SNX29: variants seen among roughly 807,000 people sequenced by gnomAD.
SNX29 encodes the protein sorting nexin-29.
SNX29 carries 78 observed loss-of-function variants against 102.1 expected under a neutral mutation model. That is an observed-to-expected ratio of 0.76 (90% CI 0.64 to 0.92). SNX29 has a LOEUF of 0.92. Ranked by LOEUF, SNX29 falls within the 40% of genes least tolerant of loss-of-function variation. The pLI is 0.00. For synonymous variants in SNX29, 580 were observed against 414.5 expected (o/e 1.40, Z -4.85); for missense variants, 1,280 against 1,061.7 (o/e 1.21, Z -2.86).
chr16:12,137,270 G>A (rs919243882), intron 13 of SNX29, among the ~76,000 whole-genome samples: 10 of 152,218 alleles, frequency 6.6e-5, no homozygotes, highest in Admixed American at 6.5e-4. Context: ...TTCTTGGCTG[G>A]TGTCTTGGCT....
chr16:12,429,854 C>G (rs1188599757), intron 18 of SNX29, among the ~76,000 whole-genome samples: 1 of 152,170 alleles, frequency 6.6e-6, no homozygotes, highest in African/African-American at 2.4e-5. Flanking sequence ...AGGGCATGGA[C>G]TTTTGTAGTA....
At chr16:12,379,403 G>C (rs192990371) in intron 16 of SNX29, among the ~76,000 whole-genome samples, 7 of 152,204 alleles carry the variant, frequency 4.6e-5, no homozygotes, top group African/African-American at 1.7e-4. Flanking sequence ...GATTACAGGC[G>C]TGAGCCACTA....
chr16:12,395,374 T>G (rs1009913857), intron 16 of SNX29, among the ~76,000 whole-genome samples: 1 of 152,234 alleles, frequency 6.6e-6, no homozygotes, highest in African/African-American at 2.4e-5. Context: ...TGATGGAAAC[T>G]TCTTTGCTGA....
chr16:12,535,620 A>C (rs2077054149), intron 20 of SNX29, among the ~76,000 whole-genome samples: 1 of 152,146 alleles, frequency 6.6e-6, no homozygotes, highest in African/African-American at 2.4e-5. Context: ...ACTGTCAGTC[A>C]CACCAACATG....
intron 13 of SNX29, among the ~76,000 whole-genome samples, chr16:12,150,636 G>A (rs1416507498): frequency 6.6e-6 from 1 of 152,186 alleles, no homozygotes; most frequent in East Asian, 1.9e-4. Context: ...GCTAATTTTT[G>A]TCCAGTGATC....
intron 15 of SNX29, among the ~76,000 whole-genome samples, chr16:12,300,501 A>C (rs2080133996): frequency 6.6e-6 from 1 of 152,314 alleles, no homozygotes; most frequent in South Asian, 2.1e-4. Flanking sequence ...TGAACGACTT[A>C]ATAGTTCTGA....
chr16:11,992,782 A>G (rs1319809518), intron 1 of SNX29, among the ~76,000 whole-genome samples: 1 of 152,196 alleles, frequency 6.6e-6, no homozygotes, highest in African/African-American at 2.4e-5. Context: ...TACCTGCTTA[A>G]TGTGTTACAA....
At chr16:12,434,916 TC>T (rs1368926203) in intron 18 of SNX29, among the ~76,000 whole-genome samples, 1 of 139,174 alleles carries the variant, frequency 7.2e-6, no homozygotes, top group African/African-American at 2.7e-5. Context: ...CCTTCTGGGG[TC>T]CCAGAGAAAA....
chr16:12,409,820 T>A (rs898494741), intron 18 of SNX29, among the ~76,000 whole-genome samples: 1 of 152,208 alleles, frequency 6.6e-6, no homozygotes, highest in African/African-American at 2.4e-5. Flanking sequence ...GAAAAATACC[T>A]TCAGTGTAAG....
chr16:11,978,238 T>A (rs144793638), intron 1 of SNX29, among the ~76,000 whole-genome samples: 3 of 151,478 alleles, frequency 2.0e-5, no homozygotes, highest in African/African-American at 7.4e-5. Flanking sequence ...AAGTATGGTT[T>A]CTGATTCGTG....
At chr16:12,430,998 A>G (rs371770355) in intron 18 of SNX29, among the ~76,000 whole-genome samples, 1 of 151,998 alleles carries the variant, frequency 6.6e-6, no homozygotes, top group Non-Finnish European at 1.5e-5. Flanking sequence ...GATTAGAGGC[A>G]CCTGCCACCA....
chr16:12,424,203 T>A (rs534264681), intron 18 of SNX29, among the ~76,000 whole-genome samples: 1 of 152,366 alleles, frequency 6.6e-6, no homozygotes, highest in South Asian at 2.1e-4. Context: ...TCGATCTCTA[T>A]CACGGGTAAA....
At chr16:12,559,813 T>TA (rs1320527897) in intron 20 of SNX29, among the ~76,000 whole-genome samples, 1 of 152,164 alleles carries the variant, frequency 6.6e-6, no homozygotes, top group Non-Finnish European at 1.5e-5. Flanking sequence ...TCCAGGCCAT[T>TA]TCCATCATCA....
At chr16:12,308,719 T>C (rs1256234612) in intron 15 of SNX29, among the ~76,000 whole-genome samples, 1 of 152,234 alleles carries the variant, frequency 6.6e-6, no homozygotes, top group Non-Finnish European at 1.5e-5. Context: ...ATGGTATTTC[T>C]AGATGGGTAC....
rs527382651 is a variant in SNX29, at chr16:12,140,470, C to T, written c.1595+10712C>T. On this transcript the variant is annotated intron_variant, in intron 13 of 20. Coordinates refer to ENST00000566228, the MANE Select transcript of SNX29 (RefSeq NM_032167.5). ...TCACCTGAACTCCGTGGAGCAGGAA[C>T]AAGGATGGAGGAGAGTTTGCTTAAA... Among the ~76,000 whole-genome samples the T allele has an allele frequency of 2.6e-5, 4 of 152,336 alleles. No homozygotes were observed. The South Asian group carries it at 8.3e-4, about 32-fold the overall frequency.
Position 12,403,479 on chromosome 16 carries a change from C to T in SNX29, c.1987C>T (p.Pro663Ser), listed in dbSNP as rs2084043520. The T allele has an allele frequency of 6.2e-7, 1 of 1,609,118 alleles. No homozygotes were observed. The highest frequency in any genetic ancestry group is 8.5e-7 in the Non-Finnish European group (1 of 1,177,808). The change falls in exon 18 of 21, where the codon CCC becomes TCC. Residue 663 changes from proline (P) to serine (S), a missense_variant. Physicochemically the swap from Pro to Ser is moderately conservative, Grantham distance 74 (BLOSUM62 -1). Coordinates refer to ENST00000566228, the MANE Select transcript of SNX29 (RefSeq NM_032167.5). ...SNRALINVWI[P>S]SVFLRGKAAN... ...CCGGGCGCTGATCAACGTCTGGATC[C>T]CCTCAGTGTTTCTCCGGGGCAAAGC...
intron 15 of SNX29, among the ~76,000 whole-genome samples, chr16:12,332,527 G>A (rs1042446040): frequency 5.3e-5 from 8 of 152,124 alleles, no homozygotes; most frequent in African/African-American, 1.2e-4. Context: ...CCCCGTCCTC[G>A]TCATATTGAA....
intron 14 of SNX29, among the ~76,000 whole-genome samples, chr16:12,248,623 C>T (rs1245760498): frequency 6.6e-6 from 1 of 151,972 alleles, no homozygotes; most frequent in East Asian, 1.9e-4. Flanking sequence ...GCCAGATTGG[C>T]CAGGCTGGTC....
At position 12,570,984 on chromosome 16, in the gene SNX29, A is replaced by C. The variant is rs1023088599; in HGVS notation, c.*2355A>C. On this transcript the variant is annotated 3_prime_UTR_variant, in exon 21 of 21. Transcript: ENST00000566228. ...GCTGCCTGCTCCTGGTACCTCCCCC[A>C]TGATCATGCACAGACCGTAGAGTCG... The C allele has an allele frequency of 4.3e-6, 1 of 232,468 alleles. No individual in the cohort carries two copies. The highest frequency in any genetic ancestry group is 8.5e-6 in the Non-Finnish European group (1 of 117,510). 14.4% of individuals were successfully genotyped at this position (232,468 alleles called of 1,614,324 possible). A position where few individuals can be genotyped will look rare whatever the true frequency, so the allele number is the denominator to read the frequency against.
Sources: gnomAD v4.1 joint callset for allele counts (sites outside exome capture counted in the v4.1 genomes callset) on GRCh38, gnomAD v4.1.1 for gene constraint, MANE v1.5 for transcripts, NCBI Gene and HGNC (gene_info 2026-07-23, HGNC 2026-07-21) for gene names.